GRIA3: variants seen among roughly 807,000 people sequenced by gnomAD.
GRIA3 encodes the protein glutamate ionotropic receptor AMPA type subunit 3.
GRIA3 carries 3 observed loss-of-function variants against 63.0 expected under a neutral mutation model. The ratio of observed to expected loss-of-function variants is 0.05; its 90% CI spans 0.02 to 0.12. GRIA3 has a LOEUF of 0.12. Ranked by LOEUF, GRIA3 falls within the 10% of genes least tolerant of loss-of-function variation. GRIA3 has a pLI of 1.00. For synonymous variants in GRIA3, 274 were observed against 257.9 expected (o/e 1.06, Z -0.60); for missense variants, 347 against 700.9 (o/e 0.50, Z 5.70).
At chrX:123,253,894 T>C (rs775612197) in intron 3 of GRIA3, among the ~76,000 whole-genome samples, 4 of 111,458 alleles carry the variant, frequency 3.6e-5, no homozygotes, top group African/African-American at 1.3e-4. Flanking sequence ...TTGGAAAGTT[T>C]TGGAAAATTA....
chrX:123,239,027 A>G (rs955619819), intron 2 of GRIA3, among the ~76,000 whole-genome samples: 5 of 110,977 alleles, frequency 4.5e-5, no homozygotes, highest in Non-Finnish European at 9.5e-5. Flanking sequence ...TAAAATATCT[A>G]CCAAATTGAT....
intron 3 of GRIA3, among the ~76,000 whole-genome samples, chrX:123,315,810 T>C (rs1224694994): frequency 8.9e-6 from 1 of 111,765 alleles, no homozygotes; most frequent in Non-Finnish European, 1.9e-5. Flanking sequence ...CCAAAGACAT[T>C]GCAAGAAATG....
intron 4 of GRIA3, among the ~76,000 whole-genome samples, chrX:123,354,205 T>C (rs1193648491): frequency 1.8e-5 from 2 of 111,081 alleles, no homozygotes; most frequent in East Asian, 5.7e-4. Flanking sequence ...CCAAGCATTG[T>C]AGGATGTCTA....
intron 5 of GRIA3, among the ~76,000 whole-genome samples, chrX:123,360,423 A>G (rs1241923982): frequency 1.9e-5 from 2 of 106,531 alleles, no homozygotes; most frequent in African/African-American, 6.9e-5. Flanking sequence ...TGGCTCATGC[A>G]TGTAATCCTA....
chrX:123,388,225 C>G (rs1272937533), intron 5 of GRIA3, among the ~76,000 whole-genome samples: 1 of 111,385 alleles, frequency 9.0e-6, no homozygotes, highest in Admixed American at 9.6e-5. Context: ...TCCAGTTGTT[C>G]ATAACAGTCT....
At chrX:123,432,572 G>A (rs1271255987) in intron 12 of GRIA3, among the ~76,000 whole-genome samples, 2 of 111,596 alleles carry the variant, frequency 1.8e-5, no homozygotes, top group Non-Finnish European at 3.8e-5. Flanking sequence ...TGCGTAGGCT[G>A]CTGAGGCCCT....
At chrX:123,378,259 T>G (rs760791089) in intron 5 of GRIA3, among the ~76,000 whole-genome samples, 62 of 111,681 alleles carry the variant, frequency 5.6e-4, no homozygotes, top group Non-Finnish European at 9.4e-4. Context: ...CTTCTACCAT[T>G]TATTTAACAC....
intron 5 of GRIA3, 143 bp downstream of exon 5, chrX:123,355,106 A>C: frequency 1.9e-6 from 1 of 520,242 alleles, no homozygotes; most frequent in Non-Finnish European, 3.5e-6. Context: ...CAAAACCTGA[A>C]TGCAATAGCC....
intron 1 of GRIA3, among the ~76,000 whole-genome samples, chrX:123,185,534 A>C (rs1468569800): frequency 3.7e-5 from 4 of 107,828 alleles, no homozygotes; most frequent in African/African-American, 1.4e-4. Context: ...AAAAAAAAGA[A>C]GGCTGCCGAC....
intron 7 of GRIA3, among the ~76,000 whole-genome samples, chrX:123,402,678 G>A (rs1298321784): frequency 9.0e-6 from 1 of 111,146 alleles, no homozygotes; most frequent in East Asian, 2.8e-4. Flanking sequence ...AGTTAAGGGG[G>A]TAGCCTGCAG....
chrX:123,239,132 G>C (rs929977636), intron 2 of GRIA3, among the ~76,000 whole-genome samples: 3 of 110,692 alleles, frequency 2.7e-5, no homozygotes, highest in African/African-American at 9.8e-5. Context: ...TGTTGACAGG[G>C]TTTGTTGTTA....
intron 2 of GRIA3, among the ~76,000 whole-genome samples, chrX:123,247,991 C>G (rs2044368788): frequency 8.9e-6 from 1 of 112,108 alleles, no homozygotes; most frequent in African/African-American, 3.2e-5. Flanking sequence ...ACTCCTGTAT[C>G]TCCCAACATC....
chrX:123,310,717 T>A lies in GRIA3; in HGVS notation c.509-15309T>A, dbSNP rs748717721. The stretch of plus-strand genomic sequence containing the variant: ...CTTTTGTCTCTTATCAAAATAGAAT[T>A]CTCAACCAGGCATGGTGGCTCACAC... On this transcript the variant is annotated intron_variant, in intron 3 of 15. Transcript: ENST00000620443. Among the ~76,000 whole-genome samples the A allele has an allele frequency of 2.7e-5, 3 of 112,654 alleles. No individual in the cohort carries two copies. In the East Asian group the frequency reaches 8.4e-4, roughly 31 times the overall value.
At chrX:123,445,340 T>C (rs1410799495) in intron 12 of GRIA3, among the ~76,000 whole-genome samples, 1 of 111,750 alleles carries the variant, frequency 8.9e-6, no homozygotes, top group Admixed American at 9.5e-5. Context: ...CAGATCAGTT[T>C]TTATAAGGCT....
chrX:123,232,588 A>G (rs1309345907), intron 2 of GRIA3, among the ~76,000 whole-genome samples: 2 of 111,646 alleles, frequency 1.8e-5, no homozygotes, highest in Non-Finnish European at 3.8e-5. Flanking sequence ...AAAATTGTTA[A>G]GATGGTAAAT....
rs760824587 is a variant in GRIA3, at chrX:123,471,990, CATATATATATAT to C, written c.2324+6899_2324+6910del. Among the ~76,000 whole-genome samples, 12 of 13,413 alleles carry C rather than the reference CATATATATATAT, an allele frequency of 8.9e-4. 2 individuals are homozygous for C. Among genetic ancestry groups the C allele is most frequent in the African/African-American group, 1.4e-3 (7 of 5,015 alleles). The allele number at this position is 13,413 out of a possible 115,157, so 11.6% of individuals were successfully genotyped here. On this transcript the variant is annotated intron_variant, in intron 13 of 15. Transcript: ENST00000620443. ...AATATATACCTAAGGCAATGGCATT[CATATATATATAT>C]ATATATATATATATATATATGACTA...
chrX:123,443,632 C>A lies in GRIA3; in HGVS notation c.2076+15493C>A, dbSNP rs1226975837. ...CGACCCTTACTTCCTTTTCTCTTTC[C>A]TTCCTTTACCTGCTGGGTCTTGGGT... is the stretch of plus-strand genomic sequence containing the variant. On this transcript the variant is annotated intron_variant, in intron 12 of 15. Coordinates refer to ENST00000620443, the MANE Select transcript of GRIA3 (RefSeq NM_007325.5). Among the ~76,000 whole-genome samples the A allele has an allele frequency of 5.4e-5, 6 of 111,759 alleles. No individual in the cohort carries two copies. The East Asian group carries it at 1.7e-3, about 32-fold the overall frequency.
intron 4 of GRIA3, among the ~76,000 whole-genome samples, chrX:123,339,145 G>C (rs2044993496): frequency 8.9e-6 from 1 of 112,010 alleles, no homozygotes; most frequent in Non-Finnish European, 1.9e-5. Flanking sequence ...TTTGCATAAA[G>C]AGAACCATCT....
rs1051617384 is a variant in GRIA3, at chrX:123,227,547, A to G, written c.269-25756A>G. Among the ~76,000 whole-genome samples the G allele has an allele frequency of 2.7e-5, 3 of 111,610 alleles. No homozygotes were observed. The Admixed American group carries it at 2.9e-4, about 11-fold the overall frequency. On this transcript the variant is annotated intron_variant, in intron 2 of 15. Coordinates refer to ENST00000620443, the MANE Select transcript of GRIA3 (RefSeq NM_007325.5). ...TTATTGAGCACCTACTATCTGCCAG[A>G]CACAGATATTCTGTGGGGGAAGGGG...
Sources: gnomAD v4.1 joint callset for allele counts (sites outside exome capture counted in the v4.1 genomes callset) on GRCh38, gnomAD v4.1.1 for gene constraint, MANE v1.5 for transcripts, NCBI Gene and HGNC (gene_info 2026-07-23, HGNC 2026-07-21) for gene names.